Variants in DEF8 observed in about 807,000 individuals in gnomAD.
The protein encoded by DEF8 is DEF-8.
Under a neutral mutation model 59.1 loss-of-function variants are expected in DEF8, and 38 were observed. The observed-to-expected ratio is 0.64, with a 90% CI of 0.50 to 0.84. DEF8 has a LOEUF of 0.84. Ranked by LOEUF, DEF8 falls within the 40% of genes least tolerant of loss-of-function variation. DEF8 has a pLI of 0.00. For synonymous variants in DEF8, 265 were observed against 250.1 expected, an observed-to-expected ratio of 1.06 and a Z score of -0.56; for missense variants, 557 against 615.2, an observed-to-expected ratio of 0.91 and a Z score of 1.00.
Position 89,957,720 on chromosome 16 carries a change from T to C in DEF8, c.372+60T>C, listed in dbSNP as rs1001026075. The C allele has an allele frequency of 2.7e-6, 4 of 1,461,950 alleles. No homozygotes were observed. In the East Asian group the frequency reaches 1.0e-4, roughly 37 times the overall value. The allele number at this position is 1,461,950 out of a possible 1,614,324, so 90.6% of individuals were successfully genotyped here. Reference sequence around the variant, plus strand: ...GGGGCCGAGGCCAGAACTGTGGAACTAGGAGGACCCTGCCAGCCTCTGGCT... The same window carrying C: ...GGGGCCGAGGCCAGAACTGTGGAACCAGGAGGACCCTGCCAGCCTCTGGCT... On this transcript the variant is annotated intron_variant, in intron 5 of 12. Transcript: ENST00000563594.
Position 89,955,197 on chromosome 16 carries a change from G to A in DEF8, c.153G>A (p.Glu51=), listed in dbSNP as rs1417987833. The A allele has an allele frequency of 1.2e-6, 2 of 1,613,564 alleles. No homozygotes were observed. The highest frequency in any genetic ancestry group is 1.7e-6 in the Non-Finnish European group (2 of 1,179,972). The change falls in exon 4 of 13, where the codon GAG becomes GAA. Residue 51 remains glutamate (E), a synonymous_variant. Transcript: ENST00000563594. ...CCCTGCCTGAGCTGCCCCCTGGGGA[G>A]CCGGAATTCCGCTGCCCTGAACGCG... ...EEALPELPPG[E]PEFRCPERVM...
chr16:89,954,834 C>T lies in DEF8; in HGVS notation c.125-335C>T, dbSNP rs557619914. Among the ~76,000 whole-genome samples, 2 of 152,306 alleles carry T rather than the reference C, an allele frequency of 1.3e-5. No individual in the cohort carries two copies. Among genetic ancestry groups the T allele is most frequent in the East Asian group, 3.9e-4 (2 of 5,182 alleles). On this transcript the variant is annotated intron_variant, in intron 3 of 12. Transcript: ENST00000563594. This position sits in a 1 kb window ranked among gnomAD's most constrained non-coding sequence, Gnocchi z 4.3. The stretch of plus-strand genomic sequence containing the variant: ...TCGTGGATTTTGCTGTGTAGCCATG[C>T]AGTGGTTTTTCTCTCGCCCCCGTGG...
chr16:89,962,196 C>A, intron 9 of DEF8, 71 bp downstream of exon 9: 1 of 1,338,414 alleles, frequency 7.5e-7, no homozygotes, highest in South Asian at 1.2e-5. Context: ...GGGCCAGTAC[C>A]CTCTTCTCCT....
In DEF8 at chr16:89,948,779, A is replaced by C; in HGVS notation, c.-143A>C. The C allele has an allele frequency of 1.0e-6, 1 of 983,182 alleles. No homozygotes were observed. 60.9% of individuals were successfully genotyped at this position (983,182 alleles called of 1,614,324 possible). On this transcript the variant is annotated 5_prime_UTR_variant, in exon 1 of 13. Coordinates refer to ENST00000563594, the MANE Select transcript of DEF8 (RefSeq NM_001242818.2). ...CGTAGCGGGGCGGCCGGGCGGATCC[A>C]GCGCAGCCGGGAGACAGATGCGAGG... is the stretch of plus-strand genomic sequence containing the variant.
At chr16:89,956,036 G>A (rs929697774) in intron 4 of DEF8, among the ~76,000 whole-genome samples, 1 of 152,080 alleles carries the variant, frequency 6.6e-6, no homozygotes, top group African/African-American at 2.4e-5. Flanking sequence ...CTGCGCCACT[G>A]CACTCCAGCC....
chr16:89,962,393 T>G (rs1408451976), intron 9 of DEF8, among the ~76,000 whole-genome samples: 1 of 152,216 alleles, frequency 6.6e-6, no homozygotes, highest in Non-Finnish European at 1.5e-5. Context: ...GGCACGGTGC[T>G]CACACCTGTA....
Position 89,959,040 on chromosome 16 carries a change from C to A in DEF8, c.399C>A (p.Ile133=), listed in dbSNP as rs977673488. The A allele has an allele frequency of 1.2e-6, 2 of 1,613,052 alleles. No homozygotes were observed. The highest frequency in any genetic ancestry group is 2.7e-5 in the African/African-American group (2 of 75,038). Reference sequence around the variant, plus strand: ...ACCCCAATGAGGATGAGCCAAACATCCGAGTGCTCCTTGAGCACCGCTTTT... The same window carrying A: ...ACCCCAATGAGGATGAGCCAAACATACGAGTGCTCCTTGAGCACCGCTTTT... ...LKDPNEDEPN[I]RVLLEHRFYK... The change falls in exon 6 of 13, where the codon ATC becomes ATA. Residue 133 remains isoleucine (I), a synonymous_variant. Coordinates refer to ENST00000563594, the MANE Select transcript of DEF8 (RefSeq NM_001242818.2).
intron 7 of DEF8, among the ~76,000 whole-genome samples, 174 bp downstream of exon 7, chr16:89,961,269 CTGAAGCAGA>C (rs2033991117): frequency 1.3e-5 from 2 of 152,180 alleles, no homozygotes; most frequent in Non-Finnish European, 2.9e-5. Context: ...TCATTTCTCA[CTGAAGCAGA>C]CTGAGGTTCC....
rs534727455 is a variant in DEF8, at chr16:89,967,241, C to T, written c.*1278C>T. On this transcript the variant is annotated 3_prime_UTR_variant, in exon 13 of 13. Coordinates refer to ENST00000563594, the MANE Select transcript of DEF8 (RefSeq NM_001242818.2). ...GCTGTTGGTGCACATGGTTGGCACA[C>T]GGTGGGCAGAGGGCAGAGAATGCCA... 64 of 398,728 alleles carry T rather than the reference C, an allele frequency of 1.6e-4. No homozygotes were observed. Among genetic ancestry groups the T allele is most frequent in the African/African-American group, 1.1e-3 (55 of 48,748 alleles). The allele number at this position is 398,728 out of a possible 1,614,324, so 24.7% of individuals were successfully genotyped here.
At chr16:89,965,748 C>T in intron 12 of DEF8, 113 bp from the exon 13 acceptor site, 1 of 662,898 alleles carries the variant, frequency 1.5e-6, no homozygotes, top group Non-Finnish European at 2.6e-6. Flanking sequence ...GACTCCGACT[C>T]TGCCCTTTGG....
rs777935853 is a variant in DEF8 at position 89,959,240 on chromosome 16, T to C, written c.514+85T>C. 6 of 1,588,056 alleles carry C rather than the reference T, an allele frequency of 3.8e-6. No individual in the cohort carries two copies. In the South Asian group the frequency reaches 6.7e-5, roughly 18 times the overall value. ...TGGGCTCACATTCAGATGTGAGCTA[T>C]CCAGTGTGGTGGCCACTAGCCAAAC... On this transcript the variant is annotated intron_variant, in intron 6 of 12. Coordinates refer to ENST00000563594, the MANE Select transcript of DEF8 (RefSeq NM_001242818.2).
chr16:89,962,958 A>T (rs1255546319), intron 9 of DEF8, among the ~76,000 whole-genome samples: 1 of 152,240 alleles, frequency 6.6e-6, no homozygotes, highest in Non-Finnish European at 1.5e-5. Flanking sequence ...CTGGCAGGAC[A>T]TGATGGCGTC....
chr16:89,963,504 CA>C, intron 10 of DEF8, 61 bp downstream of exon 10: 2 of 1,484,622 alleles, frequency 1.3e-6, no homozygotes, highest in Non-Finnish European at 1.9e-6. Flanking sequence ...TGAGGCACCT[CA>C]GGCTCAGGTT....
intron 2 of DEF8, chr16:89,950,090 G>T (rs1436316997): frequency 1.0e-6 from 1 of 991,032 alleles, no homozygotes; most frequent in Non-Finnish European, 1.2e-6. Context: ...TGGTAGCCTA[G>T]AGTACAGCTG....
chr16:89,951,765 G>C (rs766869786), intron 2 of DEF8, among the ~76,000 whole-genome samples: 1 of 152,130 alleles, frequency 6.6e-6, no homozygotes, highest in African/African-American at 2.4e-5. Context: ...CTGAAGAGGG[G>C]CAGCCCCTAC....
intron 4 of DEF8, 98 bp from the exon 5 acceptor site, chr16:89,957,413 G>A (rs2033381342): frequency 7.6e-7 from 1 of 1,314,896 alleles, no homozygotes; most frequent in Non-Finnish European, 1.0e-6. Context: ...TGGGTGAGGG[G>A]TGTCGGGGTC....
intron 10 of DEF8, chr16:89,963,722 A>C: frequency 1.9e-6 from 1 of 524,098 alleles, no homozygotes. Flanking sequence ...ACAGTTTTCA[A>C]GGTTCATCTA....
intron 4 of DEF8, among the ~76,000 whole-genome samples, chr16:89,956,242 G>A (rs2033167790): frequency 6.6e-6 from 1 of 152,012 alleles, no homozygotes; most frequent in Non-Finnish European, 1.5e-5. Flanking sequence ...GGATCGTGAG[G>A]TCAGGAGTTC....
intron 5 of DEF8, 141 bp from the exon 6 acceptor site, chr16:89,958,873 A>G: frequency 6.7e-7 from 1 of 1,483,432 alleles, no homozygotes; most frequent in Non-Finnish European, 9.0e-7. Context: ...GAAAGGGAGA[A>G]AAGGGACATG....
Sources: allele counts gnomAD v4.1 joint callset (sites outside exome capture counted in the v4.1 genomes callset), GRCh38; gene constraint gnomAD v4.1.1; non-coding constraint Gnocchi (gnomAD v3.1); transcripts MANE v1.5; gene names NCBI Gene and HGNC (gene_info 2026-07-23, HGNC 2026-07-21).